Variants in JAK3 observed in about 807,000 individuals in gnomAD.
JAK3 encodes Janus kinase 3.
JAK3 carries 88 observed loss-of-function variants against 120.8 expected under a neutral mutation model. That is an observed-to-expected ratio of 0.73 (90% CI 0.61 to 0.87). The LOEUF (loss-of-function observed/expected upper bound fraction) is 0.87, where lower values mean the gene tolerates loss of function less well. Among genes scored for constraint, JAK3 ranks in the 40% least tolerant of loss-of-function variants. The pLI, the probability that JAK3 is intolerant of heterozygous loss-of-function variation, is 0.00. For synonymous variants in JAK3, 592 were observed against 628.6 expected (o/e 0.94, Z 0.87); for missense variants, 1,254 against 1,501.4 (o/e 0.84, Z 2.72).
rs2147699108 is a variant in JAK3 at position 17,843,188 on chromosome 19, A to G, written c.421-16T>C. ...CACTGCGGTGCTGGGGGGCCGCCAC[A>G]GGGAGCATCAGCTGAGGCCACCCAA... On this transcript the variant is annotated splice_polypyrimidine_tract_variant and intron_variant, in intron 4 of 23. Coordinates refer to ENST00000458235, the MANE Select transcript of JAK3 (RefSeq NM_000215.4). This position sits in a 1 kb window ranked among gnomAD's most constrained non-coding sequence, Gnocchi z 5.4. The G allele has an allele frequency of 6.3e-7, 1 of 1,598,844 alleles. No individual in the cohort carries two copies. The highest frequency in any genetic ancestry group is 1.1e-5 in the South Asian group (1 of 89,754).
Position 17,843,250 on chromosome 19 carries a change from T to C in JAK3, c.421-78A>G. On this transcript the variant is annotated intron_variant, in intron 4 of 23. Transcript: ENST00000458235. This position sits in a 1 kb window ranked among gnomAD's most constrained non-coding sequence, Gnocchi z 5.4. ...GTTGTTAACCTGCAGACCCCCCCAA[T>C]CCTGGGCTGACCCCCACCCCTGGAC... 1 of 1,549,422 alleles carries C rather than the reference T, an allele frequency of 6.5e-7. No individual in the cohort carries two copies. Among genetic ancestry groups the C allele is most frequent in the Non-Finnish European group, 8.7e-7 (1 of 1,145,518 alleles).
In JAK3 at chr19:17,830,208, C is replaced by A. The variant is rs866677342; in HGVS notation, c.3107G>T (p.Arg1036Leu). The change falls in exon 23 of 24, where the codon CGG becomes CTG. Residue 1036 changes from arginine (R) to leucine (L), a missense_variant. Physicochemically the swap from Arg to Leu is moderately radical, Grantham distance 102 (BLOSUM62 -2). Transcript: ENST00000458235. ...GACATCCCGCTCACATCCCATCATCCGCAGGAACTCCTGGAGCCAAGGAGG... is the reference window on the plus strand; with the variant it reads ...GACATCCCGCTCACATCCCATCATCAGCAGGAACTCCTGGAGCCAAGGAGG... The part of the protein sequence containing the change: ...KSCSPSAEFL[R>L]MMGCERDVPA... The A allele has an allele frequency of 6.3e-7, 1 of 1,576,676 alleles. No homozygotes were observed. Among genetic ancestry groups the A allele is most frequent in the African/African-American group, 1.3e-5 (1 of 74,118 alleles).
At chr19:17,835,261 T>A (rs2147683458) in intron 14 of JAK3, 46 bp from the exon 15 acceptor site, 6 of 1,603,226 alleles carry the variant, frequency 3.7e-6, no homozygotes, top group Non-Finnish European at 5.1e-6. Context: ...GTTTGATGAA[T>A]GAAGAGTCTG....
In JAK3 at chr19:17,834,660, A is replaced by G. The variant is rs2147681671; in HGVS notation, c.2261T>C (p.Leu754Pro). 12 of 1,613,966 alleles carry G rather than the reference A, an allele frequency of 7.4e-6. No homozygotes were observed. Among genetic ancestry groups the G allele is most frequent in the Non-Finnish European group, 1.0e-5 (12 of 1,179,958 alleles). ...ATAGGCCATGCACTGTTGAATCAGC[A>G]GGGCCAGCTCTGTCCACTTGGGGGC... ...LPAPKWTELA[L>P]LIQQCMAYEP... The change falls in exon 17 of 24, where the codon CTG becomes CCG. Residue 754 changes from leucine to proline, a missense_variant. Leu to Pro is a moderately conservative substitution (Grantham distance 98, BLOSUM62 -3). Around this residue, in one of 3 missense-constraint regions of JAK3, gnomAD observed 630 missense variants for 819.8 expected, o/e 0.77. Coordinates refer to ENST00000458235, the MANE Select transcript of JAK3 (RefSeq NM_000215.4).
chr19:17,832,785 C>G lies in JAK3; in HGVS notation c.2490+5G>C, dbSNP rs1391052752. On this transcript the variant is annotated splice_donor_5th_base_variant and intron_variant, in intron 18 of 23. Coordinates refer to ENST00000458235, the MANE Select transcript of JAK3 (RefSeq NM_000215.4). The surrounding 1 kb of genome is among the most constrained non-coding windows in gnomAD (Gnocchi z 4.7). Reference sequence around the variant, plus strand: ...TCCAACCCACCCTGGCCCTGCCCACCTTACCTTGCCCAGCTGTGAGATGTA... The same window carrying G: ...TCCAACCCACCCTGGCCCTGCCCACGTTACCTTGCCCAGCTGTGAGATGTA... The G allele has an allele frequency of 8.1e-6, 13 of 1,614,250 alleles. No homozygotes were observed. The highest frequency in any genetic ancestry group is 1.1e-5 in the Non-Finnish European group (13 of 1,180,048).
chr19:17,841,721 A>T lies in JAK3; in HGVS notation c.903T>A (p.Ile301=), dbSNP rs1222393026. Residue 301 remains isoleucine (I), a synonymous_variant, in exon 7 of 24, where the codon ATT becomes ATA. Transcript: ENST00000458235. This position sits in a 1 kb window ranked among gnomAD's most constrained non-coding sequence, Gnocchi z 4.1. ...CAACGCGCGGGGCCTGCTTGATGCT[A>T]ATGTCTACGATTTCTGGAAAGTCGC... The part of the protein sequence containing the change: ...PFCDFPEIVD[I]SIKQAPRVGP... 6 of 1,612,172 alleles carry T rather than the reference A, an allele frequency of 3.7e-6. No individual in the cohort carries two copies. The highest frequency in any genetic ancestry group is 5.1e-6 in the Non-Finnish European group (6 of 1,179,944).
At position 17,825,161 on chromosome 19, in the gene JAK3, G is replaced by C. The variant is rs573881908; in HGVS notation, c.*1582C>G. 4.4e-6 allele frequency: 1 copy of C among 229,680 alleles called. No individual in the cohort carries two copies. Among genetic ancestry groups the C allele is most frequent in the East Asian group, 6.2e-5 (1 of 16,118 alleles). The allele number at this position is 229,680 out of a possible 1,614,324, so 14.2% of individuals were successfully genotyped here. On this transcript the variant is annotated 3_prime_UTR_variant, in exon 24 of 24. Transcript: ENST00000458235. ...GGTAAGCTCTGACCATTTTGCAGGG[G>C]ACAGAACTGAGACCCAGAGAGGGAA... is the stretch of plus-strand genomic sequence containing the variant.
At chr19:17,834,409 T>C (rs1013733258) in intron 17 of JAK3, among the ~76,000 whole-genome samples, 162 bp downstream of exon 17, 1 of 152,134 alleles carries the variant, frequency 6.6e-6, no homozygotes. Context: ...CTGAGGGGAC[T>C]GTTCGTTACA....
At position 17,845,727 on chromosome 19, in the gene JAK3, C is replaced by A. The variant is rs3212707; in HGVS notation, c.-13-1297G>T. On this transcript the variant is annotated intron_variant, in intron 1 of 23. Coordinates refer to ENST00000458235, the MANE Select transcript of JAK3 (RefSeq NM_000215.4). ...TCACACCACTGCACTCCAGCCTGGG[C>A]GACAGAGCAAGACCTTATCTCTAGA... Among the ~76,000 whole-genome samples, 972 of 152,064 alleles carry A rather than the reference C, an allele frequency of 6.4e-3. 9 individuals are homozygous for A. The highest frequency in any genetic ancestry group is 0.022 in the African/African-American group (924 of 41,470).
At position 17,838,407 on chromosome 19, in the gene JAK3, A is replaced by C. The variant is rs773395235; in HGVS notation, c.1442-17T>G. 3 of 1,614,110 alleles carry C rather than the reference A, an allele frequency of 1.9e-6. No individual in the cohort carries two copies. Among genetic ancestry groups the C allele is most frequent in the Non-Finnish European group, 2.5e-6 (3 of 1,179,984 alleles). On this transcript the variant is annotated splice_polypyrimidine_tract_variant and intron_variant, in intron 10 of 23. Transcript: ENST00000458235. ...TGGACTTTTCTATGGGGAGAGGATG[A>C]GGGAGAAAAACCAGAAATCAGAGGT...
In JAK3 at chr19:17,843,495, T is replaced by C; in HGVS notation, c.309-4A>G. On this transcript the variant is annotated splice_polypyrimidine_tract_variant and splice_region_variant and intron_variant, in intron 3 of 23. Coordinates refer to ENST00000458235, the MANE Select transcript of JAK3 (RefSeq NM_000215.4). This position sits in a 1 kb window ranked among gnomAD's most constrained non-coding sequence, Gnocchi z 5.4. ...AAACCAATTGGGGAAGTAAAAGCTG[T>C]GAGGAGAGGAGAGAACCCTGGGATG... 1.3e-6 allele frequency: 2 copies of C among 1,581,882 alleles called. No individual in the cohort carries two copies. Among genetic ancestry groups the C allele is most frequent in the Non-Finnish European group, 1.7e-6 (2 of 1,161,532 alleles).
At chr19:17,829,772 A>G (rs959213619) in intron 23 of JAK3, 1 of 266,220 alleles carries the variant, frequency 3.8e-6, no homozygotes, top group Non-Finnish European at 6.8e-6. Context: ...AGAAAGAAAG[A>G]AAAAAAAAAA....
intron 22 of JAK3, 99 bp from the exon 23 acceptor site, chr19:17,830,317 C>T (rs2094211507): frequency 1.1e-6 from 1 of 908,408 alleles, no homozygotes; most frequent in South Asian, 1.5e-5. Flanking sequence ...TGTGATGGAG[C>T]GGGGAGGGGC....
chr19:17,831,074 C>CGG lies in JAK3; in HGVS notation c.2978+152_2978+153dup, dbSNP rs1320797159. Among the ~76,000 whole-genome samples, 1 of 70,516 alleles carries CGG rather than the reference C, an allele frequency of 1.4e-5. No individual in the cohort carries two copies. Among genetic ancestry groups the CGG allele is most frequent in the Non-Finnish European group, 2.7e-5 (1 of 36,982 alleles). 46.3% of individuals were successfully genotyped at this position (70,516 alleles called of 152,430 possible). ...AGAGGAGCCAGTGCTGTTGAGGGGG[C>CGG]GGGGCTCTGGGGAGTGGGAGGGGCC... On this transcript the variant is annotated intron_variant, in intron 21 of 23. Transcript: ENST00000458235. This position sits in a 1 kb window ranked among gnomAD's most constrained non-coding sequence, Gnocchi z 5.1.
At chr19:17,840,022 A>G (rs1426367931) in intron 9 of JAK3, among the ~76,000 whole-genome samples, 1 of 152,184 alleles carries the variant, frequency 6.6e-6, no homozygotes, top group East Asian at 1.9e-4. Context: ...TACAGGCGTA[A>G]GCCACTGTGC....
intron 23 of JAK3, 134 bp downstream of exon 23, chr19:17,829,974 G>C: frequency 1.4e-6 from 1 of 721,062 alleles, no homozygotes; most frequent in East Asian, 2.7e-5. Context: ...GTAGCCAAGT[G>C]GGGGCCAGGA....
At chr19:17,846,291 G>A (rs185094977) in intron 1 of JAK3, among the ~76,000 whole-genome samples, 28 of 152,208 alleles carry the variant, frequency 1.8e-4, no homozygotes, top group Admixed American at 5.2e-4. Context: ...ATGATGTGCC[G>A]GTAAGCGATC....
Position 17,831,146 on chromosome 19 carries a change from A to C in JAK3, c.2978+82T>G, listed in dbSNP as rs1196732518. On this transcript the variant is annotated intron_variant, in intron 21 of 23. Transcript: ENST00000458235. The surrounding 1 kb of genome is among the most constrained non-coding windows in gnomAD (Gnocchi z 5.1). ...CGGGGCTAAGGCTGGGGAGCAAAGC[A>C]GCGGGAGGGGGCGGGGGCATGGCTG... is the stretch of plus-strand genomic sequence containing the variant. 4.6e-6 allele frequency: 6 copies of C among 1,316,998 alleles called. No homozygotes were observed. The highest frequency in any genetic ancestry group is 2.3e-5 in the Admixed American group (1 of 43,236). The allele number at this position is 1,316,998 out of a possible 1,614,324, so 81.6% of individuals were successfully genotyped here. A position where few individuals can be genotyped will look rare whatever the true frequency, so the allele number is the denominator to read the frequency against.
rs2094204221 is a variant in JAK3, at chr19:17,826,546, G to A, written c.*197C>T. ...GCCCCACTGACACATATGCCCATCT[G>A]TCTTGAACCTTAACAAATTGCAAAG... On this transcript the variant is annotated 3_prime_UTR_variant, in exon 24 of 24. Transcript: ENST00000458235. 2 of 654,656 alleles carry A rather than the reference G, an allele frequency of 3.1e-6. No homozygotes were observed. The highest frequency in any genetic ancestry group is 2.2e-5 in the Admixed American group (1 of 44,464). 40.6% of individuals were successfully genotyped at this position (654,656 alleles called of 1,614,324 possible). A position where few individuals can be genotyped will look rare whatever the true frequency, so the allele number is the denominator to read the frequency against.
Sources: gnomAD v4.1 joint callset for allele counts (sites outside exome capture counted in the v4.1 genomes callset) on GRCh38, gnomAD v4.1.1 for gene constraint, gnomAD v4.1.1 regional missense constraint, Gnocchi (gnomAD v3.1) non-coding constraint, MANE v1.5 for transcripts, NCBI Gene and HGNC (gene_info 2026-07-23, HGNC 2026-07-21) for gene names.